KY: variants seen among roughly 807,000 people sequenced by gnomAD.
KY encodes kyphoscoliosis peptidase.
Under a neutral mutation model 76.1 loss-of-function variants are expected in KY, and 43 were observed. That is an observed-to-expected ratio of 0.57 (90% CI 0.44 to 0.73). The LOEUF (loss-of-function observed/expected upper bound fraction) is 0.73, where lower values mean the gene tolerates loss of function less well. Among genes scored for constraint, KY ranks in the 30% least tolerant of loss-of-function variants. The pLI is 0.00. For synonymous variants in KY, 277 were observed against 326.2 expected (o/e 0.85, Z 1.63); for missense variants, 722 against 828.9 (o/e 0.87, Z 1.58).
chr3:134,614,960 A>G (rs1961257021), intron 8 of KY, among the ~76,000 whole-genome samples: 1 of 152,176 alleles, frequency 6.6e-6, no homozygotes, highest in Non-Finnish European at 1.5e-5. Flanking sequence ...AGGAGAGACT[A>G]TGAAGTATGC....
At chr3:134,649,887 C>G (rs1381277007) in intron 1 of KY, among the ~76,000 whole-genome samples, 1 of 152,202 alleles carries the variant, frequency 6.6e-6, no homozygotes, top group African/African-American at 2.4e-5. Flanking sequence ...CCAAGGAGCT[C>G]CAGAGCTGGA....
intron 10 of KY, chr3:134,607,264 G>T: frequency 1.0e-6 from 1 of 985,510 alleles, no homozygotes; most frequent in Non-Finnish European, 1.2e-6. Context: ...GGTATTTGGA[G>T]TTGGAAGAGT....
rs1278453898 is a variant in KY at position 134,604,143 on chromosome 3, G to A, written c.1422C>T (p.His474=). 2 of 1,608,186 alleles carry A rather than the reference G, an allele frequency of 1.2e-6. No homozygotes were observed. The highest frequency in any genetic ancestry group is 1.1e-5 in the South Asian group (1 of 90,252). Residue 474 remains histidine (H), a synonymous_variant, in exon 11 of 11, where the codon CAC becomes CAT. Coordinates refer to ENST00000423778, the MANE Select transcript of KY (RefSeq NM_178554.6). The part of the protein sequence containing the change: ...MKPSHPDPII[H]TSDGRCSISF... ...TGATGGAGCAGCGCCCGTCGCTGGT[G>A]TGGATGATAGGGTCAGGGTGGGAGG... is the stretch of plus-strand genomic sequence containing the variant.
chr3:134,616,261 G>A (rs1961549679), intron 8 of KY, among the ~76,000 whole-genome samples: 1 of 152,156 alleles, frequency 6.6e-6, no homozygotes, highest in African/African-American at 2.4e-5. Context: ...CAGACAGAAG[G>A]AACTGAATGA....
intron 8 of KY, among the ~76,000 whole-genome samples, chr3:134,612,603 A>G (rs1235987400): frequency 1.3e-5 from 2 of 152,130 alleles, no homozygotes; most frequent in Non-Finnish European, 2.9e-5. Context: ...TAGACATTCT[A>G]TAGGAGGTGG....
intron 3 of KY, among the ~76,000 whole-genome samples, chr3:134,633,442 T>C (rs1964497702): frequency 6.6e-6 from 1 of 152,142 alleles, no homozygotes; most frequent in Non-Finnish European, 1.5e-5. Context: ...CAAAGCTGGT[T>C]AAATATTTGG....
chr3:134,606,898 C>T (rs1369798561), intron 10 of KY: 2 of 984,642 alleles, frequency 2.0e-6, no homozygotes, highest in African/African-American at 1.8e-5. Flanking sequence ...TGCCCTCTTC[C>T]TTCCCTTCCT....
intron 3 of KY, among the ~76,000 whole-genome samples, chr3:134,632,901 A>C (rs567257330): frequency 1.2e-4 from 18 of 152,124 alleles, no homozygotes; most frequent in Non-Finnish European, 2.5e-4. Context: ...AGGGGTAAAT[A>C]CACCAATATC....
At chr3:134,615,334 G>T (rs1377255543) in intron 8 of KY, 1 of 137,736 alleles carries the variant, frequency 7.3e-6, no homozygotes, top group Non-Finnish European at 1.5e-5. Context: ...TTGTCCTGAT[G>T]CATAGTTCAA....
intron 1 of KY, 53 bp downstream of exon 1, chr3:134,650,772 C>T: frequency 6.7e-7 from 1 of 1,485,694 alleles, no homozygotes; most frequent in Non-Finnish European, 9.0e-7. Flanking sequence ...GCCCTTGTGG[C>T]AAGGAGGCCA....
intron 5 of KY, among the ~76,000 whole-genome samples, chr3:134,625,445 A>G (rs1357072264): frequency 6.6e-6 from 1 of 152,250 alleles, no homozygotes; most frequent in Non-Finnish European, 1.5e-5. Flanking sequence ...GTTCCCAGAC[A>G]TATTGATGAT....
chr3:134,627,711 C>G lies in KY; in HGVS notation c.400+45G>C, dbSNP rs745769828. 45 of 1,558,002 alleles carry G rather than the reference C, an allele frequency of 2.9e-5. 1 individual carries two copies. The South Asian group carries it at 4.6e-4, about 16-fold the overall frequency. On this transcript the variant is annotated intron_variant, in intron 5 of 10. Coordinates refer to ENST00000423778, the MANE Select transcript of KY (RefSeq NM_178554.6). Reference sequence around the variant, plus strand: ...TGGAGATTAGTCTATGAGGCTAAACCCATGTGCTCTCTTGAGAATTGTCCT... The same window carrying G: ...TGGAGATTAGTCTATGAGGCTAAACGCATGTGCTCTCTTGAGAATTGTCCT...
At chr3:134,628,180 A>C in intron 4 of KY, 1 of 270,734 alleles carries the variant, frequency 3.7e-6, no homozygotes, top group Non-Finnish European at 7.2e-6. Context: ...CTGCCAGATA[A>C]TGCCGGGATA....
At chr3:134,612,771 G>A (rs1960738049) in intron 8 of KY, among the ~76,000 whole-genome samples, 1 of 150,540 alleles carries the variant, frequency 6.6e-6, no homozygotes, top group Non-Finnish European at 1.5e-5. Flanking sequence ...GTGTGTGTGT[G>A]TGTGTGTGTG....
intron 2 of KY, among the ~76,000 whole-genome samples, chr3:134,644,321 C>T (rs1966169455): frequency 1.3e-5 from 2 of 152,258 alleles, no homozygotes; most frequent in Non-Finnish European, 1.5e-5. Context: ...TGGGGTCAGG[C>T]TGCCATGGAG....
chr3:134,633,476 T>C (rs1208126395), intron 3 of KY, among the ~76,000 whole-genome samples: 2 of 152,126 alleles, frequency 1.3e-5, no homozygotes, highest in Admixed American at 6.5e-5. Context: ...TAATTCACCA[T>C]ATTAACAGGC....
intron 8 of KY, chr3:134,610,617 G>A (rs1464643098): frequency 2.3e-5 from 11 of 478,068 alleles, no homozygotes; most frequent in East Asian, 3.5e-5. Context: ...TGCAGTCTCC[G>A]CTGTCTGCTC....
chr3:134,617,852 T>C (rs988352894), intron 8 of KY, among the ~76,000 whole-genome samples: 37 of 152,036 alleles, frequency 2.4e-4, no homozygotes, highest in African/African-American at 8.7e-4. Flanking sequence ...GCTGGAAACT[T>C]GGCTGAGGTC....
At chr3:134,637,381 T>A (rs1398621781) in intron 3 of KY, among the ~76,000 whole-genome samples, 1 of 152,216 alleles carries the variant, frequency 6.6e-6, no homozygotes, top group Non-Finnish European at 1.5e-5. Context: ...AAGTGAGTGC[T>A]AAGTGGTACT....
Sources: allele counts gnomAD v4.1 joint callset (sites outside exome capture counted in the v4.1 genomes callset), GRCh38; gene constraint gnomAD v4.1.1; transcripts MANE v1.5; gene names NCBI Gene and HGNC (gene_info 2026-07-23, HGNC 2026-07-21).